The following AGMO variants were observed in gnomAD, a reference collection of about 807,000 sequenced individuals.
AGMO encodes glyceryl-ether monooxygenase.
Under a neutral mutation model 60.2 loss-of-function variants are expected in AGMO, and 75 were observed. That is an observed-to-expected ratio of 1.25 (90% confidence interval 1.03 to 1.51). The LOEUF is 1.51. AGMO is among the 40% of genes most tolerant of loss of function. The pLI is 0.00. For synonymous variants in AGMO, 261 were observed against 177.1 expected (o/e 1.47, Z -3.76); for missense variants, 763 against 525.5 (o/e 1.45, Z -4.42).
At chr7:15,204,498 A>T (rs996701390) in intron 12 of AGMO, among the ~76,000 whole-genome samples, 1 of 152,180 alleles carries the variant, frequency 6.6e-6, no homozygotes, top group Non-Finnish European at 1.5e-5. Flanking sequence ...TACATATATG[A>T]TGTTTCCGGA....
chr7:15,203,346 C>T (rs541035471), intron 12 of AGMO, among the ~76,000 whole-genome samples: 2 of 152,218 alleles, frequency 1.3e-5, no homozygotes, highest in South Asian at 2.1e-4. Context: ...AATCTTTCCA[C>T]CTTTGAAACT....
Position 15,480,934 on chromosome 7 carries a change from A to C in AGMO, c.410-49826T>G, listed in dbSNP as rs571135296. On this transcript the variant is annotated intron_variant, in intron 3 of 12. Transcript: ENST00000342526. ...GATTCTTGGGCATCAGAGAGAAATA[A>C]AAGCAGCACATTAATTATGTTCAAG... Among the ~76,000 whole-genome samples, 22 of 152,270 alleles carry C rather than the reference A, an allele frequency of 1.4e-4. 1 individual carries two copies. The South Asian group carries it at 4.6e-3, about 32-fold the overall frequency.
intron 4 of AGMO, among the ~76,000 whole-genome samples, chr7:15,419,782 G>T (rs1030415386): frequency 1.3e-5 from 2 of 151,926 alleles, no homozygotes; most frequent in Non-Finnish European, 2.9e-5. Context: ...TTCCACTAGA[G>T]ACTCTCTCTG....
intron 12 of AGMO, among the ~76,000 whole-genome samples, chr7:15,251,052 A>G (rs1451591949): frequency 6.6e-6 from 1 of 152,134 alleles, no homozygotes; most frequent in African/African-American, 2.4e-5. Context: ...ATATTTTTAT[A>G]CAGGCCTGTT....
the AGMO span, among the ~76,000 whole-genome samples, chr7:15,192,577 A>G: frequency 6.6e-6 from 1 of 152,116 alleles, no homozygotes; most frequent in Non-Finnish European, 1.5e-5. Context: ...TTCTTCCCGG[A>G]CACTGGACAA....
chr7:15,297,488 A>G (rs1784437938), intron 12 of AGMO, among the ~76,000 whole-genome samples: 1 of 152,190 alleles, frequency 6.6e-6, no homozygotes, highest in Non-Finnish European at 1.5e-5. Flanking sequence ...GCTTGCCAAA[A>G]CATGCAGATT....
intron 3 of AGMO, among the ~76,000 whole-genome samples, chr7:15,457,779 G>A (rs888518369): frequency 3.3e-5 from 5 of 152,068 alleles, no homozygotes; most frequent in African/African-American, 1.2e-4. Context: ...ATGCAAATCT[G>A]AAGAGTACCT....
chr7:15,420,265 T>C (rs1439883572), intron 4 of AGMO, among the ~76,000 whole-genome samples: 3 of 152,104 alleles, frequency 2.0e-5, no homozygotes, highest in Non-Finnish European at 2.9e-5. Context: ...ACACAGGTCT[T>C]TTAAGAGCTT....
chr7:15,363,668 T>C (rs1782851432), intron 12 of AGMO, among the ~76,000 whole-genome samples: 1 of 152,166 alleles, frequency 6.6e-6, no homozygotes, highest in Non-Finnish European at 1.5e-5. Flanking sequence ...ACTTAAAAGC[T>C]GGACATACTA....
At chr7:15,546,913 A>C (rs1784796270) in intron 2 of AGMO, among the ~76,000 whole-genome samples, 1 of 152,220 alleles carries the variant, frequency 6.6e-6, no homozygotes, top group South Asian at 2.1e-4. Flanking sequence ...TGTTTGGTGC[A>C]AACGTTTACT....
At chr7:15,297,602 G>C (rs1412682614) in intron 12 of AGMO, among the ~76,000 whole-genome samples, 2 of 152,112 alleles carry the variant, frequency 1.3e-5, no homozygotes, top group Admixed American at 1.3e-4. Context: ...ACAGAAATTA[G>C]CAAAATAAAA....
Position 15,560,289 on chromosome 7 carries a change from G to T in AGMO, c.127-18C>A. ...GGAGTTGCCTGGAAAGGAAGTTGCA[G>T]AAAAGAGATGCTATTATGTTCCATA... is the stretch of plus-strand genomic sequence containing the variant. On this transcript the variant is annotated intron_variant, in intron 1 of 12. Coordinates refer to ENST00000342526, the MANE Select transcript of AGMO (RefSeq NM_001004320.2). 6.2e-7 allele frequency: 1 copy of T among 1,609,600 alleles called. No individual in the cohort carries two copies. The highest frequency in any genetic ancestry group is 1.1e-5 in the South Asian group (1 of 90,840).
chr7:15,251,797 A>G (rs949905799), intron 12 of AGMO, among the ~76,000 whole-genome samples: 2 of 152,214 alleles, frequency 1.3e-5, no homozygotes, highest in African/African-American at 4.8e-5. Context: ...CTAATGGACA[A>G]CACAGCTTTG....
At chr7:15,404,606 G>A (rs1398002804) in intron 5 of AGMO, among the ~76,000 whole-genome samples, 21 of 151,760 alleles carry the variant, frequency 1.4e-4, no homozygotes, top group Non-Finnish European at 5.9e-5. Flanking sequence ...GCTAGTATGA[G>A]TAATAATAAC....
intron 12 of AGMO, among the ~76,000 whole-genome samples, chr7:15,319,994 G>A (rs1021835105): frequency 8.6e-5 from 13 of 151,806 alleles, no homozygotes; most frequent in African/African-American, 3.1e-4. Context: ...ATCATTCTCA[G>A]CAAACTACTG....
intron 12 of AGMO, chr7:15,306,510 A>C (rs1255223147): frequency 2.1e-6 from 1 of 469,900 alleles, no homozygotes; most frequent in East Asian, 7.0e-5. Flanking sequence ...CAAACTTAAA[A>C]GTTCTCCAAA....
At chr7:15,369,318 A>G (rs914786372) in intron 10 of AGMO, among the ~76,000 whole-genome samples, 1 of 152,042 alleles carries the variant, frequency 6.6e-6, no homozygotes, top group Non-Finnish European at 1.5e-5. Context: ...ATCATGTCAC[A>G]CATGTTCTAA....
intron 5 of AGMO, among the ~76,000 whole-genome samples, chr7:15,412,359 A>G (rs1780638112): frequency 6.6e-6 from 1 of 152,078 alleles, no homozygotes; most frequent in Non-Finnish European, 1.5e-5. Flanking sequence ...TGGGCAGTGT[A>G]TGCACTAGGT....
chr7:15,516,292 A>G (rs188666616), intron 3 of AGMO, among the ~76,000 whole-genome samples: 1 of 152,298 alleles, frequency 6.6e-6, no homozygotes, highest in African/African-American at 2.4e-5. Context: ...AAAATCCCCC[A>G]ATTATAGATG....
Sources: gnomAD v4.1 joint callset for allele counts (sites outside exome capture counted in the v4.1 genomes callset) on GRCh38, gnomAD v4.1.1 for gene constraint, MANE v1.5 for transcripts, NCBI Gene and HGNC (gene_info 2026-07-23, HGNC 2026-07-21) for gene names.